Variants in ALKBH8 observed in about 807,000 individuals in gnomAD.
ALKBH8 encodes the protein tRNA (carboxymethyluridine(34)-5-O)-methyltransferase ALKBH8.
ALKBH8 carries 36 observed loss-of-function variants against 59.8 expected under a neutral mutation model. That is an observed-to-expected ratio of 0.60 (90% CI 0.46 to 0.79). The LOEUF is 0.79. Among genes scored for constraint, ALKBH8 ranks in the 30% least tolerant of loss-of-function variants. The probability of loss-of-function intolerance (pLI) is 0.00; values close to 1 mark genes in which losing one functional copy is unlikely to be tolerated. For missense variants in ALKBH8, 768 were observed against 801.0 expected, an observed-to-expected ratio of 0.96 and a Z score of 0.50; for synonymous variants, 276 against 273.6, an observed-to-expected ratio of 1.01 and a Z score of -0.09.
At chr11:107,530,819 A>C (rs1380198093) in intron 8 of ALKBH8, among the ~76,000 whole-genome samples, 1 of 152,226 alleles carries the variant, frequency 6.6e-6, no homozygotes, top group Non-Finnish European at 1.5e-5. Flanking sequence ...TAATAGCATA[A>C]CATGCTTTCA....
intron 2 of ALKBH8, among the ~76,000 whole-genome samples, chr11:107,559,556 C>A (rs1235881046): frequency 6.6e-6 from 1 of 152,028 alleles, no homozygotes; most frequent in Non-Finnish European, 1.5e-5. Flanking sequence ...GAAAGGAACA[C>A]AAGTCACTCT....
At position 107,525,518 on chromosome 11, in the gene ALKBH8, C is replaced by G; in HGVS notation, c.953G>C (p.Gly318Ala). 1 of 1,539,378 alleles carries G rather than the reference C, an allele frequency of 6.5e-7. No individual in the cohort carries two copies. Among genetic ancestry groups the G allele is most frequent in the Non-Finnish European group, 8.8e-7 (1 of 1,141,962 alleles). ...LKSGIITSDV[G>A]DLTLSKRGLR... ...TCCCCTCTTGCTTAAAGTTAAGTCT[C>G]CAACATCACTGGTGATAATTCCACT... is the stretch of plus-strand genomic sequence containing the variant. The change falls in exon 9 of 12, where the codon GGA (glycine) becomes GCA (alanine). Residue 318 changes from glycine to alanine, a missense_variant. Gly to Ala is a moderately conservative substitution (Grantham distance 60, BLOSUM62 0). Coordinates refer to ENST00000428149, the MANE Select transcript of ALKBH8 (RefSeq NM_138775.3).
rs549903811 is a variant in ALKBH8, at chr11:107,504,769, A to G, written c.1884T>C (p.His628=). ...DPSPVFHRYY[H]VFREGELEGA... The stretch of plus-strand genomic sequence containing the variant: ...CTTCCAGTTCTCCCTCACGGAACAC[A>G]TGGTAGTAACGATGAAACACAGGAC... Residue 628 remains histidine, a synonymous_variant, in exon 12 of 12, where the codon CAT becomes CAC. Transcript: ENST00000428149. 26 of 1,552,052 alleles carry G rather than the reference A, an allele frequency of 1.7e-5. No individual in the cohort carries two copies. Among genetic ancestry groups the G allele is most frequent in the South Asian group, 7.1e-5 (6 of 84,058 alleles).
At chr11:107,552,519 C>A (rs76102376) in intron 5 of ALKBH8, among the ~76,000 whole-genome samples, 3,175 of 152,100 alleles carry the variant, frequency 0.021, 102 homozygotes, top group African/African-American at 0.073. Context: ...AAGGAATTCA[C>A]AGGAAAGGAA....
At chr11:107,546,678 T>C (rs1276454976) in intron 7 of ALKBH8, among the ~76,000 whole-genome samples, 1 of 152,168 alleles carries the variant, frequency 6.6e-6, no homozygotes, top group Non-Finnish European at 1.5e-5. Flanking sequence ...TTTATTTGGG[T>C]TTTCTGCTGT....
chr11:107,522,942 G>C (rs1863184760), intron 9 of ALKBH8, among the ~76,000 whole-genome samples: 2 of 151,948 alleles, frequency 1.3e-5, no homozygotes, highest in African/African-American at 4.8e-5. Context: ...TAGAAACAGG[G>C]GACTACCTGC....
chr11:107,522,271 A>G, intron 10 of ALKBH8, 28 bp downstream of exon 10: 1 of 1,548,048 alleles, frequency 6.5e-7, no homozygotes, highest in Non-Finnish European at 8.7e-7. Context: ...AATTAAGCAA[A>G]AAGAAAGTCA....
chr11:107,518,977 T>C (rs1862991061), intron 10 of ALKBH8, among the ~76,000 whole-genome samples: 1 of 152,134 alleles, frequency 6.6e-6, no homozygotes, highest in Admixed American at 6.6e-5. Flanking sequence ...AGCTACTGTT[T>C]TTGTTTTTTA....
intron 10 of ALKBH8, among the ~76,000 whole-genome samples, chr11:107,512,232 A>G (rs537339737): frequency 2.6e-4 from 40 of 152,182 alleles, no homozygotes; most frequent in Non-Finnish European, 5.4e-4. Flanking sequence ...ACACACACAC[A>G]CACATTTTGT....
rs147568922 is a variant in ALKBH8, at chr11:107,520,830, C to T, written c.1287+1469G>A. 2.0e-3 allele frequency among the ~76,000 whole-genome samples: 307 copies of T among 152,248 alleles called. 2 individuals carry two copies. The highest frequency in any genetic ancestry group is 7.1e-3 in the African/African-American group (297 of 41,566). On this transcript the variant is annotated intron_variant, in intron 10 of 11. Coordinates refer to ENST00000428149, the MANE Select transcript of ALKBH8 (RefSeq NM_138775.3). ...TACATTTCCTAAGCTGTAATACAAC[C>T]AGCCCTCCGAATCTATGAGTTGCAC...
intron 2 of ALKBH8, among the ~76,000 whole-genome samples, chr11:107,558,615 C>T (rs1411687350): frequency 6.6e-6 from 1 of 152,034 alleles, no homozygotes; most frequent in African/African-American, 2.4e-5. Flanking sequence ...TTGTGGGCAA[C>T]TCTAAAGGTA....
intron 10 of ALKBH8, among the ~76,000 whole-genome samples, chr11:107,511,389 A>C (rs641946): frequency 0.96 from 145,548 of 152,166 alleles, 69,784 homozygotes; most frequent in African/African-American, 0.99. Flanking sequence ...GGAAAGTATC[A>C]CATAAACACA....
At chr11:107,561,833 A>G (rs1324534638) in intron 1 of ALKBH8, among the ~76,000 whole-genome samples, 2 of 152,254 alleles carry the variant, frequency 1.3e-5, no homozygotes, top group African/African-American at 4.8e-5. Context: ...GAGTGAATAC[A>G]CACAGTCTCA....
intron 11 of ALKBH8, among the ~76,000 whole-genome samples, chr11:107,505,711 C>T (rs960099095): frequency 1.3e-5 from 2 of 152,214 alleles, no homozygotes; most frequent in Non-Finnish European, 2.9e-5. Context: ...AGTAACACTG[C>T]AGGCAGGCCT....
intron 10 of ALKBH8, among the ~76,000 whole-genome samples, chr11:107,511,455 G>A (rs55658681): frequency 0.01 from 1,573 of 152,132 alleles, 31 homozygotes; most frequent in African/African-American, 0.036. Flanking sequence ...TCTCATTACC[G>A]TATATACTAT....
chr11:107,556,428 TA>T lies in ALKBH8; in HGVS notation c.367+337del, dbSNP rs1279243465. On this transcript the variant is annotated intron_variant, in intron 3 of 11. Transcript: ENST00000428149. ...GATTAATTCAAAGCTCCTGGGTAGA[TA>T]TGTGAAATAAACTAGTAATGCAAAC... 3.9e-5 allele frequency among the ~76,000 whole-genome samples: 6 copies of T among 152,364 alleles called. No individual in the cohort carries two copies. In the East Asian group the frequency reaches 1.2e-3, roughly 29 times the overall value.
At chr11:107,515,849 C>A (rs1291513031) in intron 10 of ALKBH8, among the ~76,000 whole-genome samples, 1 of 152,054 alleles carries the variant, frequency 6.6e-6, no homozygotes, top group African/African-American at 2.4e-5. Context: ...TATGATAGAA[C>A]TTCCTCTCAT....
chr11:107,560,458 G>C (rs1864891945), intron 2 of ALKBH8, among the ~76,000 whole-genome samples: 1 of 151,886 alleles, frequency 6.6e-6, no homozygotes, highest in Non-Finnish European at 1.5e-5. Context: ...TATCTCATAA[G>C]GACTTCTAGG....
intron 11 of ALKBH8, among the ~76,000 whole-genome samples, chr11:107,510,092 C>T (rs1471016502): frequency 1.3e-5 from 2 of 151,956 alleles, no homozygotes; most frequent in African/African-American, 2.4e-5. Flanking sequence ...TTGCTGCAGC[C>T]CAGCAGAATC....
Sources: gnomAD v4.1 joint callset for allele counts (sites outside exome capture counted in the v4.1 genomes callset) on GRCh38, gnomAD v4.1.1 for gene constraint, MANE v1.5 for transcripts, NCBI Gene and HGNC (gene_info 2026-07-23, HGNC 2026-07-21) for gene names.